LRMDA: variants seen among roughly 807,000 people sequenced by gnomAD.
LRMDA encodes the protein leucine-rich melanocyte differentiation-associated protein.
In LRMDA, 18 loss-of-function variants were observed where a neutral mutation model predicts 29.8. That is an observed-to-expected ratio of 0.60 (90% confidence interval 0.42 to 0.90). The LOEUF (loss-of-function observed/expected upper bound fraction) is 0.90. LRMDA is among the 40% of genes least tolerant of loss of function. The pLI is 0.00. For synonymous variants in LRMDA, 125 were observed against 109.4 expected (o/e 1.14, Z -0.89); for missense variants, 273 against 273.9 (o/e 1.00, Z 0.02).
chr10:76,454,424 G>C (rs1356666208), intron 6 of LRMDA, among the ~76,000 whole-genome samples: 1 of 152,096 alleles, frequency 6.6e-6, no homozygotes, highest in East Asian at 1.9e-4. Context: ...TCACTCCGAG[G>C]CTGCATTATT....
chr10:75,964,802 CT>C (rs1480221799), intron 2 of LRMDA, among the ~76,000 whole-genome samples: 1 of 152,202 alleles, frequency 6.6e-6, no homozygotes, highest in East Asian at 1.9e-4. Context: ...GGGTCTCACT[CT>C]GTCACCCAGG....
At chr10:75,882,292 C>A (rs1360913340) in intron 2 of LRMDA, among the ~76,000 whole-genome samples, 1 of 152,110 alleles carries the variant, frequency 6.6e-6, no homozygotes, top group Non-Finnish European at 1.5e-5. Context: ...CACTGCAAGC[C>A]AAACTCAAAC....
chr10:75,845,541 G>A (rs1171858566), intron 2 of LRMDA, among the ~76,000 whole-genome samples: 1 of 152,156 alleles, frequency 6.6e-6, no homozygotes, highest in Non-Finnish European at 1.5e-5. Flanking sequence ...TGGACACTTA[G>A]TCATCACGAC....
At chr10:75,998,084 T>C (rs1308801594) in intron 2 of LRMDA, among the ~76,000 whole-genome samples, 1 of 152,174 alleles carries the variant, frequency 6.6e-6, no homozygotes, top group East Asian at 1.9e-4. Flanking sequence ...AGGATGAGAA[T>C]GCGAACAGGT....
intron 2 of LRMDA, among the ~76,000 whole-genome samples, chr10:75,705,251 A>T (rs1472447595): frequency 6.6e-6 from 1 of 152,200 alleles, no homozygotes; most frequent in Non-Finnish European, 1.5e-5. Flanking sequence ...TGAGATGTTT[A>T]TGAAGAAAGT....
intron 2 of LRMDA, among the ~76,000 whole-genome samples, chr10:75,445,971 C>T (rs1268862755): frequency 6.6e-6 from 1 of 152,196 alleles, no homozygotes; most frequent in Admixed American, 6.5e-5. Flanking sequence ...TTGGCTTTGG[C>T]CGGGATGAGG....
At chr10:75,845,201 G>A (rs1844611860) in intron 2 of LRMDA, among the ~76,000 whole-genome samples, 1 of 118,166 alleles carries the variant, frequency 8.5e-6, no homozygotes, top group African/African-American at 2.6e-5. Context: ...CTTAAATTAT[G>A]AGCCACAGGT....
chr10:75,500,031 T>C (rs1845093556), intron 2 of LRMDA, among the ~76,000 whole-genome samples: 1 of 152,220 alleles, frequency 6.6e-6, no homozygotes, highest in African/African-American at 2.4e-5. Context: ...CAGTGTTTTC[T>C]ACACTTTTTT....
At chr10:75,483,098 C>T (rs866194973) in intron 2 of LRMDA, among the ~76,000 whole-genome samples, 12 of 152,246 alleles carry the variant, frequency 7.9e-5, no homozygotes, top group African/African-American at 2.9e-4. Context: ...GTGTGCACCA[C>T]CACACCTGGC....
At chr10:76,403,215 G>C (rs1380545523) in intron 6 of LRMDA, 1 of 151,614 alleles carries the variant, frequency 6.6e-6, no homozygotes, top group African/African-American at 2.4e-5. Flanking sequence ...ATACTCCACT[G>C]TATAGTGCAG....
At chr10:76,348,497 T>A (rs1841136440) in intron 6 of LRMDA, among the ~76,000 whole-genome samples, 1 of 152,216 alleles carries the variant, frequency 6.6e-6, no homozygotes, top group African/African-American at 2.4e-5. Context: ...TTTTAATGAG[T>A]TGTTCTGGTA....
chr10:76,177,070 G>A (rs1850950073), intron 5 of LRMDA, among the ~76,000 whole-genome samples: 1 of 152,158 alleles, frequency 6.6e-6, no homozygotes, highest in Non-Finnish European at 1.5e-5. Context: ...CACTCTGGGA[G>A]GCCAAGGGGA....
chr10:76,536,356 A>C (rs1843291109), intron 6 of LRMDA, among the ~76,000 whole-genome samples: 1 of 152,168 alleles, frequency 6.6e-6, no homozygotes, highest in South Asian at 2.1e-4. Context: ...TTGATGGTTA[A>C]GGCTTTTAAG....
At chr10:75,491,875 A>C (rs1844992294) in intron 2 of LRMDA, among the ~76,000 whole-genome samples, 1 of 152,218 alleles carries the variant, frequency 6.6e-6, no homozygotes, top group East Asian at 1.9e-4. Context: ...GAGCAAATGT[A>C]AGAGGCAAAA....
At chr10:76,230,310 A>G (rs1852034469) in intron 5 of LRMDA, among the ~76,000 whole-genome samples, 1 of 152,232 alleles carries the variant, frequency 6.6e-6, no homozygotes, top group South Asian at 2.1e-4. Flanking sequence ...AATTACAAAT[A>G]CAGCATCCTT....
At chr10:75,440,379 C>T (rs909164378) in intron 2 of LRMDA, among the ~76,000 whole-genome samples, 5 of 151,540 alleles carry the variant, frequency 3.3e-5, no homozygotes, top group Non-Finnish European at 7.4e-5. Context: ...TGTTCTTGTC[C>T]GTGTTGTGGT....
At chr10:75,553,869 A>G (rs1325677219) in intron 2 of LRMDA, among the ~76,000 whole-genome samples, 3 of 152,118 alleles carry the variant, frequency 2.0e-5, no homozygotes, top group African/African-American at 7.2e-5. Flanking sequence ...TGTGAGCACC[A>G]TGGGGAAAAA....
At chr10:76,025,818 G>A (rs1183935738) in intron 2 of LRMDA, among the ~76,000 whole-genome samples, 1 of 152,144 alleles carries the variant, frequency 6.6e-6, no homozygotes, top group Non-Finnish European at 1.5e-5. Flanking sequence ...TCTCAGAGTA[G>A]CACTAATCAT....
chr10:76,212,699 T>A (rs1465705277), intron 5 of LRMDA, among the ~76,000 whole-genome samples: 1 of 152,224 alleles, frequency 6.6e-6, no homozygotes, highest in Non-Finnish European at 1.5e-5. Context: ...GATATTGAAA[T>A]TAGCTTTCAG....
Sources: allele counts gnomAD v4.1 joint callset (sites outside exome capture counted in the v4.1 genomes callset), GRCh38; gene constraint gnomAD v4.1.1; transcripts MANE v1.5; gene names NCBI Gene and HGNC (gene_info 2026-07-23, HGNC 2026-07-21).